Variants in APBB2 observed in about 807,000 individuals in gnomAD.
APBB2 encodes the protein amyloid beta precursor protein binding family B member 2, also known as Fe65-like 1.
APBB2 carries 38 observed loss-of-function variants against 82.5 expected under a neutral mutation model. The ratio of observed to expected loss-of-function variants is 0.46; its 90% CI spans 0.36 to 0.60. The LOEUF (loss-of-function observed/expected upper bound fraction) is 0.60. Ranked by LOEUF, APBB2 falls within the 20% of genes least tolerant of loss-of-function variation. The pLI, the probability that APBB2 is intolerant of heterozygous loss-of-function variation, is 0.00. For synonymous variants in APBB2, 341 were observed against 368.2 expected (o/e 0.93, Z 0.85); for missense variants, 772 against 972.3 (o/e 0.79, Z 2.74).
chr4:41,202,131 C>T (rs11722871), intron 1 of APBB2, among the ~76,000 whole-genome samples: 15,651 of 152,196 alleles, frequency 0.1, 1,204 homozygotes, highest in African/African-American at 0.22. Context: ...AGTACATTCA[C>T]ATTGTTGTAC....
chr4:41,126,720 C>G (rs776353628), intron 2 of APBB2, among the ~76,000 whole-genome samples: 1 of 152,148 alleles, frequency 6.6e-6, no homozygotes, highest in Non-Finnish European at 1.5e-5. Flanking sequence ...TCTGAGGCCT[C>G]TCTCCTTGGC....
intron 4 of APBB2, among the ~76,000 whole-genome samples, chr4:41,034,605 G>A (rs925304869): frequency 6.6e-6 from 1 of 152,246 alleles, no homozygotes; most frequent in African/African-American, 2.4e-5. Context: ...GATTACAGGT[G>A]TGAGTCACGA....
intron 4 of APBB2, among the ~76,000 whole-genome samples, chr4:41,052,790 GAC>G (rs1159471972): frequency 7.0e-6 from 1 of 141,846 alleles, no homozygotes; most frequent in African/African-American, 2.6e-5. Context: ...TTTTTTTTGA[GAC>G]AGTCTCACTC....
intron 1 of APBB2, among the ~76,000 whole-genome samples, chr4:41,174,090 T>C (rs904254903): frequency 6.6e-6 from 1 of 152,238 alleles, no homozygotes; most frequent in African/African-American, 2.4e-5. Flanking sequence ...AACTGTGGAC[T>C]GAAACACCGA....
rs1296422274 is a variant in APBB2 at position 41,032,159 on chromosome 4, A to G, written c.19+1077T>C. Among the ~76,000 whole-genome samples the G allele has an allele frequency of 3.3e-5, 5 of 152,340 alleles. No individual in the cohort carries two copies. In the South Asian group the frequency reaches 6.2e-4, roughly 19 times the overall value. ...AGAAAACAGCTTGATTATATTTAAT[A>G]ATAAGTTTAGAATTTAGGGACATTA... On this transcript the variant is annotated intron_variant, in intron 5 of 17. Coordinates refer to ENST00000508593, the MANE Select transcript of APBB2 (RefSeq NM_004307.2).
intron 1 of APBB2, among the ~76,000 whole-genome samples, chr4:41,199,781 T>TA (rs1776220904): frequency 3.9e-5 from 6 of 152,228 alleles, no homozygotes; most frequent in Admixed American, 2.0e-4. Flanking sequence ...TTTATCTTAT[T>TA]AATAGCTTCA....
intron 10 of APBB2, among the ~76,000 whole-genome samples, chr4:40,896,339 A>C (rs1773651602): frequency 6.6e-6 from 1 of 152,246 alleles, no homozygotes; most frequent in Admixed American, 6.5e-5. Context: ...CTGGGATTAC[A>C]GGCGTAAGCC....
At position 41,106,132 on chromosome 4, in the gene APBB2, A is replaced by G. The variant is rs1244426166; in HGVS notation, c.-260-5382T>C. On this transcript the variant is annotated intron_variant, in intron 2 of 17. Coordinates refer to ENST00000508593, the MANE Select transcript of APBB2 (RefSeq NM_004307.2). ...TAGCATATGTATAGCTCAGGGGAATAAATTATCTTACCATTAATGGATATA... is the reference window on the plus strand; with the variant it reads ...TAGCATATGTATAGCTCAGGGGAATGAATTATCTTACCATTAATGGATATA... Among the ~76,000 whole-genome samples the G allele has an allele frequency of 5.3e-5, 8 of 152,342 alleles. 1 individual carries two copies. In the Middle Eastern group the frequency reaches 0.02, roughly 389 times the overall value.
intron 2 of APBB2, among the ~76,000 whole-genome samples, chr4:41,141,338 GTGTGTGTGTC>G (rs1335579403): frequency 9.0e-6 from 1 of 111,686 alleles, no homozygotes; most frequent in African/African-American, 2.8e-5. Flanking sequence ...GTGTCTGTGT[GTGTGTGTGTC>G]TGTGTGTCTG....
At chr4:40,939,517 T>A (rs574254806) in intron 7 of APBB2, among the ~76,000 whole-genome samples, 1 of 152,350 alleles carries the variant, frequency 6.6e-6, no homozygotes, top group South Asian at 2.1e-4. Context: ...AAGTGTGGCC[T>A]TGATAGTAAA....
At chr4:40,929,548 C>T (rs1449434119) in intron 10 of APBB2, among the ~76,000 whole-genome samples, 2 of 152,194 alleles carry the variant, frequency 1.3e-5, no homozygotes, top group Non-Finnish European at 2.9e-5. Context: ...ATCCACCCGC[C>T]GTGGCCTCCC....
chr4:41,160,360 A>AT (rs1472033034), intron 1 of APBB2, among the ~76,000 whole-genome samples: 1 of 152,216 alleles, frequency 6.6e-6, no homozygotes, highest in African/African-American at 2.4e-5. Flanking sequence ...ATGACCAGAG[A>AT]TTCCTTAACA....
intron 1 of APBB2, among the ~76,000 whole-genome samples, chr4:41,184,824 G>A (rs1374729791): frequency 6.6e-6 from 1 of 152,224 alleles, no homozygotes; most frequent in East Asian, 1.9e-4. Flanking sequence ...ACTCTGAGAG[G>A]TGACATTCAC....
At chr4:40,877,956 G>T (rs1165655353) in intron 12 of APBB2, among the ~76,000 whole-genome samples, 2 of 152,164 alleles carry the variant, frequency 1.3e-5, no homozygotes, top group Non-Finnish European at 2.9e-5. Flanking sequence ...AGTGGGCAGG[G>T]TGCTTGGTGC....
At position 41,186,955 on chromosome 4, in the gene APBB2, A is replaced by G. The variant is rs958850385; in HGVS notation, c.-417+27450T>C. ...AAATGCAAACAAATATTTAAGATGC[A>G]TAGCAACAAAGAACTTAATTTTATC... On this transcript the variant is annotated intron_variant, in intron 1 of 17. Transcript: ENST00000508593. 2.0e-5 allele frequency among the ~76,000 whole-genome samples: 3 copies of G among 152,246 alleles called. 1 individual carries two copies. In the South Asian group the frequency reaches 6.2e-4, roughly 32 times the overall value.
At chr4:40,994,867 A>G (rs1803197580) in intron 6 of APBB2, among the ~76,000 whole-genome samples, 1 of 148,820 alleles carries the variant, frequency 6.7e-6, no homozygotes, top group Non-Finnish European at 1.5e-5. Flanking sequence ...GGAGAGAGAG[A>G]AGGAGGGAGG....
At chr4:41,072,205 G>A (rs1045832622) in intron 3 of APBB2, among the ~76,000 whole-genome samples, 3 of 152,236 alleles carry the variant, frequency 2.0e-5, no homozygotes, top group South Asian at 2.1e-4. Context: ...AATTGATGGC[G>A]AATAGAGGGA....
chr4:40,912,008 G>C (rs114984801), intron 10 of APBB2, among the ~76,000 whole-genome samples: 2,111 of 152,312 alleles, frequency 0.014, 50 homozygotes, highest in African/African-American at 0.048. Flanking sequence ...GGAGAGTATG[G>C]TTTGGACTAT....
chr4:40,934,795 C>T (rs567846197), intron 8 of APBB2, 96 bp from the exon 9 acceptor site: 2 of 918,162 alleles, frequency 2.2e-6, no homozygotes, highest in African/African-American at 1.6e-5. Context: ...CAGCAAGAGG[C>T]AGAGAGTGTA....
Sources: allele counts gnomAD v4.1 joint callset (sites outside exome capture counted in the v4.1 genomes callset), GRCh38; gene constraint gnomAD v4.1.1; transcripts MANE v1.5; gene names NCBI Gene and HGNC (gene_info 2026-07-23, HGNC 2026-07-21).